Variants in ZNF365 observed in about 807,000 individuals in gnomAD.
ZNF365 encodes zinc finger protein 365.
ZNF365 carries 22 observed loss-of-function variants against 35.0 expected under a neutral mutation model. The ratio of observed to expected loss-of-function variants is 0.63; its 90% CI spans 0.45 to 0.90. ZNF365 has a LOEUF of 0.90. Among genes scored for constraint, ZNF365 ranks in the 40% least tolerant of loss-of-function variants. The pLI is 0.00. For synonymous variants in ZNF365, 188 were observed against 196.2 expected, an observed-to-expected ratio of 0.96 and a Z score of 0.35; for missense variants, 448 against 500.3, an observed-to-expected ratio of 0.90 and a Z score of 1.00.
chr10:62,388,209 A>G (rs375668009), intron 2 of ZNF365, among the ~76,000 whole-genome samples, 187 bp from the exon 3 acceptor site: 1 of 152,218 alleles, frequency 6.6e-6, no homozygotes, highest in Non-Finnish European at 1.5e-5. Flanking sequence ...TATAGTGACT[A>G]TCTTCCTCTA....
intron 3 of ZNF365, among the ~76,000 whole-genome samples, chr10:62,412,779 A>G (rs1840006981): frequency 1.3e-5 from 2 of 152,172 alleles, no homozygotes; most frequent in African/African-American, 4.8e-5. Flanking sequence ...GAGGACACAA[A>G]CAAATGGAAA....
At position 62,399,730 on chromosome 10, in the gene ZNF365, G is replaced by A; in HGVS notation, c.1165G>A (p.Gly389Ser). ...KGELLGFGRK[G>S]NIRPKMAKKK... ...GGAGCTCCTGGGGTTTGGCCGCAAA[G>A]GCAACATCAGGCCCAAAATGGCTAA... is the stretch of plus-strand genomic sequence containing the variant. The change falls in exon 5 of 5, where the codon GGC (glycine) becomes AGC (serine). Residue 389 changes from glycine to serine, a missense_variant. Gly to Ser is a moderately conservative substitution (Grantham distance 56, BLOSUM62 0). This residue lies in a region of ZNF365 where 362 missense variants were observed against 375.7 expected (regional missense o/e 0.96). Coordinates refer to ENST00000395254, the MANE Select transcript of ZNF365 (RefSeq NM_014951.3). 6.2e-7 allele frequency: 1 copy of A among 1,614,042 alleles called. No individual in the cohort carries two copies. The highest frequency in any genetic ancestry group is 8.5e-7 in the Non-Finnish European group (1 of 1,180,020).
intron 3 of ZNF365, among the ~76,000 whole-genome samples, chr10:62,416,141 G>A (rs900640552): frequency 6.6e-6 from 1 of 151,668 alleles, no homozygotes; most frequent in Non-Finnish European, 1.5e-5. Context: ...TTCTTAGATT[G>A]CCCTCACCTC....
rs1394334647 is a variant in ZNF365, at chr10:62,394,832, G to A, written c.925-3908G>A. On this transcript the variant is annotated intron_variant, in intron 3 of 4. Transcript: ENST00000395254. ...CTAGGAATTTCACTGCTCTCTAGAG[G>A]TGGTAATGAGAAAAAGAGGGAAGAG... is the stretch of plus-strand genomic sequence containing the variant. Among the ~76,000 whole-genome samples the A allele has an allele frequency of 2.6e-5, 4 of 152,170 alleles. No homozygotes were observed. The East Asian group carries it at 7.7e-4, about 29-fold the overall frequency.
chr10:62,382,255 G>T (rs1839452174), intron 2 of ZNF365, among the ~76,000 whole-genome samples: 1 of 152,162 alleles, frequency 6.6e-6, no homozygotes, highest in African/African-American at 2.4e-5. Flanking sequence ...GCAATGTAGT[G>T]TCCAGACTGA....
intron 3 of ZNF365, among the ~76,000 whole-genome samples, chr10:62,412,319 C>CA (rs1337631250): frequency 7.2e-5 from 11 of 152,214 alleles, no homozygotes; most frequent in African/African-American, 2.4e-4. Context: ...AACAAACCCA[C>CA]AGCCAATATC....
rs1564575151 is a variant in ZNF365, at chr10:62,401,167, T to C, written c.*1378T>C. 4.2e-6 allele frequency: 4 copies of C among 962,102 alleles called. No individual in the cohort carries two copies. Among genetic ancestry groups the C allele is most frequent in the Non-Finnish European group, 4.9e-6 (4 of 808,910 alleles). 59.6% of individuals were successfully genotyped at this position (962,102 alleles called of 1,614,324 possible). On this transcript the variant is annotated 3_prime_UTR_variant, in exon 5 of 5. Transcript: ENST00000395254. The stretch of plus-strand genomic sequence containing the variant: ...ATATATAACACATACAAAATATATA[T>C]GTTAAGTATATTAATAATTTATTTT...
At chr10:62,459,384 G>A (rs1840810321) in intron 3 of ZNF365, among the ~76,000 whole-genome samples, 1 of 152,166 alleles carries the variant, frequency 6.6e-6, no homozygotes, top group Admixed American at 6.5e-5. Context: ...GGGACTTGAA[G>A]GAGAAAATGC....
intron 3 of ZNF365, among the ~76,000 whole-genome samples, chr10:62,425,988 T>C (rs920100200): frequency 2.0e-5 from 3 of 152,188 alleles, no homozygotes; most frequent in Non-Finnish European, 4.4e-5. Flanking sequence ...CAAACAACCA[T>C]TTTGACTCAG....
At chr10:62,459,858 G>A (rs1233670163) in intron 4 of ZNF365, 4 of 1,500,236 alleles carry the variant, frequency 2.7e-6, no homozygotes, top group African/African-American at 1.4e-5. Flanking sequence ...AGCCCATCTG[G>A]GTCCATATGA....
At chr10:62,466,342 G>A (rs1283792808) in intron 4 of ZNF365, among the ~76,000 whole-genome samples, 3 of 152,212 alleles carry the variant, frequency 2.0e-5, no homozygotes, top group African/African-American at 4.8e-5. Flanking sequence ...CTGGCACCTG[G>A]AGCTGCCCAC....
At chr10:62,393,660 A>G (rs1307633847) in intron 3 of ZNF365, among the ~76,000 whole-genome samples, 1 of 152,266 alleles carries the variant, frequency 6.6e-6, no homozygotes, top group Non-Finnish European at 1.5e-5. Flanking sequence ...CCATATATAC[A>G]TACACAAATG....
chr10:62,380,295 C>T (rs1044754219), intron 2 of ZNF365, among the ~76,000 whole-genome samples: 1 of 152,226 alleles, frequency 6.6e-6, no homozygotes, highest in African/African-American at 2.4e-5. Flanking sequence ...ACCAACCCTT[C>T]TGTTTCTCCT....
chr10:62,463,459 G>A, intron 4 of ZNF365, among the ~76,000 whole-genome samples: 1 of 152,210 alleles, frequency 6.6e-6, no homozygotes, highest in East Asian at 1.9e-4. Context: ...ATGTTGAAAA[G>A]CTCCCTCACA....
chr10:62,399,967 A>C lies in ZNF365; in HGVS notation c.*178A>C. The C allele has an allele frequency of 7.4e-7, 1 of 1,359,122 alleles. No individual in the cohort carries two copies. Among genetic ancestry groups the C allele is most frequent in the East Asian group, 2.6e-5 (1 of 39,030 alleles). 84.2% of individuals were successfully genotyped at this position (1,359,122 alleles called of 1,614,324 possible). ...TAGCAAATGGGAATCTTAGTGAACC[A>C]GAATTTTATTATAACCCCCTTTTAG... On this transcript the variant is annotated 3_prime_UTR_variant, in exon 5 of 5. Coordinates refer to ENST00000395254, the MANE Select transcript of ZNF365 (RefSeq NM_014951.3).
At chr10:62,395,504 A>AT (rs67866839) in intron 3 of ZNF365, among the ~76,000 whole-genome samples, 1,906 of 98,452 alleles carry the variant, frequency 0.019, 34 homozygotes, top group Admixed American at 0.064. Flanking sequence ...CACCCGGCTA[A>AT]TTTTTTTTTT....
intron 3 of ZNF365, among the ~76,000 whole-genome samples, chr10:62,395,174 G>A (rs1839702382): frequency 6.6e-6 from 1 of 152,120 alleles, no homozygotes; most frequent in Non-Finnish European, 1.5e-5. Context: ...TTTGTTAAAA[G>A]CATCTGAGTT....
At chr10:62,478,719 A>G (rs376438133) in intron 4 of ZNF365, among the ~76,000 whole-genome samples, 1 of 151,098 alleles carries the variant, frequency 6.6e-6, no homozygotes, top group Non-Finnish European at 1.5e-5. Context: ...GACTACAGAC[A>G]CCTGCCACTA....
At chr10:62,470,609 A>G (rs1841017852) in intron 4 of ZNF365, among the ~76,000 whole-genome samples, 1 of 152,228 alleles carries the variant, frequency 6.6e-6, no homozygotes, top group Non-Finnish European at 1.5e-5. Flanking sequence ...AAATTGACCC[A>G]CAGAAAGGTT....
Sources: allele counts gnomAD v4.1 joint callset (sites outside exome capture counted in the v4.1 genomes callset), GRCh38; gene constraint gnomAD v4.1.1; regional missense constraint gnomAD v4.1.1; transcripts MANE v1.5; gene names NCBI Gene and HGNC (gene_info 2026-07-23, HGNC 2026-07-21).